The following CCDC18 variants were observed in gnomAD, a reference collection of about 807,000 sequenced individuals.
The protein encoded by CCDC18 is coiled-coil domain containing 18, also known as coiled-coil domain-containing protein 18.
A neutral mutation model predicts 196.0 loss-of-function variants in CCDC18; 157 were observed. The ratio of observed to expected loss-of-function variants is 0.80; its 90% CI spans 0.70 to 0.91. The LOEUF is 0.91. Among genes scored for constraint, CCDC18 ranks in the 40% least tolerant of loss-of-function variants. CCDC18 has a pLI of 0.00. For synonymous variants in CCDC18, 482 were observed against 529.2 expected (o/e 0.91, Z 1.22); for missense variants, 1,465 against 1,611.6 (o/e 0.91, Z 1.56).
At chr1:93,247,230 C>T (rs1002185336) in intron 23 of CCDC18, among the ~76,000 whole-genome samples, 4 of 151,586 alleles carry the variant, frequency 2.6e-5, no homozygotes, top group Non-Finnish European at 5.9e-5. Flanking sequence ...CTCTGTGGAT[C>T]TTTCACTTCT....
At chr1:93,266,467 G>C (rs1289086435) in intron 27 of CCDC18, among the ~76,000 whole-genome samples, 1 of 152,074 alleles carries the variant, frequency 6.6e-6, no homozygotes, top group African/African-American at 2.4e-5. Flanking sequence ...AGGAGATAGA[G>C]ACACAAAAAA....
intron 23 of CCDC18, among the ~76,000 whole-genome samples, chr1:93,250,539 G>A (rs1275949464): frequency 6.6e-6 from 1 of 152,050 alleles, no homozygotes; most frequent in Non-Finnish European, 1.5e-5. Flanking sequence ...TGGACAATCT[G>A]TTCATTACTG....
intron 4 of CCDC18, among the ~76,000 whole-genome samples, chr1:93,187,745 T>C (rs867075968): frequency 2.0e-5 from 3 of 152,268 alleles, no homozygotes; most frequent in African/African-American, 7.2e-5. Context: ...ATTTCTAGGG[T>C]AGACTTACAG....
intron 14 of CCDC18, among the ~76,000 whole-genome samples, chr1:93,220,833 G>A (rs1319371655): frequency 3.3e-5 from 5 of 152,152 alleles, no homozygotes; most frequent in African/African-American, 4.8e-5. Flanking sequence ...CCATGTCTTC[G>A]TGTGTTCTCA....
intron 6 of CCDC18, chr1:93,199,928 G>C (rs1653527825): frequency 6.6e-6 from 1 of 152,470 alleles, no homozygotes; most frequent in Non-Finnish European, 1.5e-5. Flanking sequence ...TGTTGAGCAT[G>C]AGGTAGCTGG....
intron 4 of CCDC18, among the ~76,000 whole-genome samples, chr1:93,188,401 G>C (rs969712136): frequency 4.6e-5 from 7 of 152,122 alleles, no homozygotes; most frequent in Admixed American, 2.0e-4. Context: ...TGGAGCTACT[G>C]TTTCCTGAAT....
rs1222470671 is a variant in CCDC18, at chr1:93,234,990, C to CT, written c.2461-1244dup. ...GTGTGTGTGGCTTTTCTTTTTTTTT[C>CT]TTTTTTTTTTTTTTGGTAGAGACAG... On this transcript the variant is annotated intron_variant, in intron 18 of 28. Coordinates refer to ENST00000690025, the MANE Select transcript of CCDC18 (RefSeq NM_001378204.1). Among the ~76,000 whole-genome samples, 334 of 70,790 alleles carry CT rather than the reference C, an allele frequency of 4.7e-3. 8 individuals carry two copies. The highest frequency in any genetic ancestry group is 0.015 in the East Asian group (30 of 2,050). 46.4% of individuals were successfully genotyped at this position (70,790 alleles called of 152,430 possible). A position where few individuals can be genotyped will look rare whatever the true frequency, so the allele number is the denominator to read the frequency against.
chr1:93,222,016 C>G, intron 16 of CCDC18, 80 bp downstream of exon 16: 1 of 966,784 alleles, frequency 1.0e-6, no homozygotes, highest in Non-Finnish European at 1.5e-6. Context: ...TTTGCCTAGG[C>G]TGGAGTGCAG....
chr1:93,241,591 A>C (rs529172286), intron 21 of CCDC18, among the ~76,000 whole-genome samples: 6 of 151,854 alleles, frequency 4.0e-5, no homozygotes, highest in Admixed American at 2.6e-4. Flanking sequence ...GTGTGGTGGC[A>C]GGTGTGTGTA....
chr1:93,193,781 G>A (rs1278248401), intron 6 of CCDC18, 37 bp downstream of exon 6: 13 of 1,475,374 alleles, frequency 8.8e-6, no homozygotes, highest in South Asian at 1.4e-5. Context: ...TTTTTGAAAG[G>A]GAATAAAAGG....
chr1:93,250,397 A>G (rs1262145282), intron 23 of CCDC18, among the ~76,000 whole-genome samples: 1 of 148,132 alleles, frequency 6.8e-6, no homozygotes, highest in East Asian at 2.0e-4. Context: ...AAAAAAAAAA[A>G]GAAAAGAGAG....
intron 28 of CCDC18, chr1:93,271,622 C>A: frequency 1.2e-6 from 1 of 863,290 alleles, no homozygotes; most frequent in Non-Finnish European, 1.4e-6. Flanking sequence ...ATTATTTGAG[C>A]CCAGGAGTTT....
intron 21 of CCDC18, among the ~76,000 whole-genome samples, chr1:93,242,859 T>G (rs190492228): frequency 1.3e-5 from 2 of 152,364 alleles, no homozygotes; most frequent in African/African-American, 4.8e-5. Context: ...TGACTCCATG[T>G]CTCACATCCA....
At chr1:93,221,970 C>A in intron 16 of CCDC18, 34 bp downstream of exon 16, 1 of 1,338,884 alleles carries the variant, frequency 7.5e-7, no homozygotes. Flanking sequence ...TTCTTTCTTT[C>A]CTTTTTTTTT....
chr1:93,190,524 T>C (rs529174504), intron 4 of CCDC18, among the ~76,000 whole-genome samples: 35 of 152,278 alleles, frequency 2.3e-4, no homozygotes, highest in African/African-American at 8.4e-4. Context: ...GTATTTTAGC[T>C]ATTCATATTT....
chr1:93,269,984 G>A (rs1398391387), intron 27 of CCDC18, among the ~76,000 whole-genome samples: 1 of 152,114 alleles, frequency 6.6e-6, no homozygotes, highest in Non-Finnish European at 1.5e-5. Flanking sequence ...GTGTCTATAT[G>A]TGTTAGATTA....
intron 28 of CCDC18, chr1:93,271,232 C>T: frequency 1.0e-6 from 1 of 985,280 alleles, no homozygotes; most frequent in Non-Finnish European, 1.2e-6. Context: ...TAAGTTATTG[C>T]TGGCTATCAC....
intron 28 of CCDC18, among the ~76,000 whole-genome samples, chr1:93,277,952 C>G (rs979813883): frequency 2.6e-5 from 4 of 151,970 alleles, no homozygotes; most frequent in Non-Finnish European, 4.4e-5. Flanking sequence ...CCTCATCAAG[C>G]CAGAATTATT....
At chr1:93,226,282 G>C (rs1658267872) in intron 16 of CCDC18, 51 bp from the exon 17 acceptor site, 1 of 758,834 alleles carries the variant, frequency 1.3e-6, no homozygotes, top group African/African-American at 1.8e-5. Context: ...GTAAAATATT[G>C]AGTATATCGT....
Sources: gnomAD v4.1 joint callset for allele counts (sites outside exome capture counted in the v4.1 genomes callset) on GRCh38, gnomAD v4.1.1 for gene constraint, MANE v1.5 for transcripts, NCBI Gene and HGNC (gene_info 2026-07-23, HGNC 2026-07-21) for gene names.